The following EVC variants were observed in gnomAD, a reference collection of about 807,000 sequenced individuals.
The protein encoded by EVC is EvC ciliary complex subunit 1, also known as evC complex member EVC.
Under a neutral mutation model 118.9 loss-of-function variants are expected in EVC, and 116 were observed. The observed-to-expected ratio is 0.98, with a 90% CI of 0.84 to 1.14. The LOEUF is 1.14. Among genes scored for constraint, EVC ranks in the 50% most tolerant of loss-of-function variants. The probability of loss-of-function intolerance (pLI) is 0.00; values close to 1 mark genes in which losing one functional copy is unlikely to be tolerated. For missense variants in EVC, 1,401 were observed against 1,246.4 expected (o/e 1.12, Z -1.87); for synonymous variants, 619 against 534.7 (o/e 1.16, Z -2.18).
intron 7 of EVC, among the ~76,000 whole-genome samples, chr4:5,745,856 G>T (rs1467887769): frequency 1.3e-5 from 2 of 152,188 alleles, no homozygotes; most frequent in Admixed American, 6.5e-5. Context: ...TTTAGACATG[G>T]CCCTGCCTGA....
chr4:5,797,764 A>G (rs560965742), intron 14 of EVC, among the ~76,000 whole-genome samples: 117 of 152,358 alleles, frequency 7.7e-4, no homozygotes, highest in African/African-American at 2.7e-3. Context: ...CCACCCATGT[A>G]CCAAAAGTTT....
downstream of EVC, among the ~76,000 whole-genome samples, chr4:5,817,290 A>T (rs916012314): frequency 3.3e-5 from 5 of 152,066 alleles, no homozygotes; most frequent in Non-Finnish European, 7.4e-5. Context: ...GCAAGCTGGG[A>T]CCCCAAGCTA....
chr4:5,725,157 T>A (rs1157881038), intron 2 of EVC, among the ~76,000 whole-genome samples: 2 of 152,214 alleles, frequency 1.3e-5, no homozygotes, highest in African/African-American at 4.8e-5. Flanking sequence ...TCCATGTCTT[T>A]GCTATTGTGA....
At chr4:5,760,896 G>C (rs35016414) in intron 11 of EVC, among the ~76,000 whole-genome samples, 16,977 of 152,260 alleles carry the variant, frequency 0.11, 1,323 homozygotes, top group Admixed American at 0.16. Flanking sequence ...TTAGTCTGGA[G>C]GGATTTCCTT....
rs1728635512 is a variant in EVC, at chr4:5,741,829, T to C, written c.801+15T>C. 1.5e-6 allele frequency: 2 copies of C among 1,355,690 alleles called. No homozygotes were observed. Among genetic ancestry groups the C allele is most frequent in the Non-Finnish European group, 2.1e-6 (2 of 949,332 alleles). 84.0% of individuals were successfully genotyped at this position (1,355,690 alleles called of 1,614,324 possible). On this transcript the variant is annotated intron_variant, in intron 6 of 20. Coordinates refer to ENST00000264956, the MANE Select transcript of EVC (RefSeq NM_153717.3). ...AACAAGAAAAAGTAAGTCTTCAACC[T>C]ATGTTTCAAGGTAACTTAAAAATAG... is the stretch of plus-strand genomic sequence containing the variant.
intron 13 of EVC, among the ~76,000 whole-genome samples, chr4:5,794,323 AT>A (rs1233388059): frequency 2.4e-5 from 3 of 125,824 alleles, no homozygotes; most frequent in East Asian, 2.3e-4. Context: ...ATTTATATAT[AT>A]TTATATATAT....
chr4:5,726,476 A>G (rs1031298807), intron 2 of EVC, among the ~76,000 whole-genome samples: 6 of 151,926 alleles, frequency 3.9e-5, no homozygotes, highest in Admixed American at 3.3e-4. Flanking sequence ...CTTCTTATTA[A>G]TGAGTCAGGG....
At position 5,797,208 on chromosome 4, in the gene EVC, T is replaced by C; in HGVS notation, c.2073T>C (p.His691=). ...EQGSSQCLDE[H]QWQLLRALEA... is the part of the protein sequence containing the mutation. Reference sequence around the variant, plus strand: ...GGTCCTCCCAGTGCCTGGACGAGCATCAGTGGCAGCTGCTCAGGGCCCTGG... The same window carrying C: ...GGTCCTCCCAGTGCCTGGACGAGCACCAGTGGCAGCTGCTCAGGGCCCTGG... Residue 691 remains histidine (H), a synonymous_variant, in exon 14 of 21, where the codon CAT becomes CAC. Coordinates refer to ENST00000264956, the MANE Select transcript of EVC (RefSeq NM_153717.3). 6.2e-7 allele frequency: 1 copy of C among 1,611,636 alleles called. No homozygotes were observed.
rs544431382 is a variant in EVC at position 5,758,255 on chromosome 4, G to T, written c.1563+1893G>T. 118 of 624,660 alleles carry T rather than the reference G, an allele frequency of 1.9e-4. No individual in the cohort carries two copies. The East Asian group carries it at 3.1e-3, about 16-fold the overall frequency. 38.7% of individuals were successfully genotyped at this position (624,660 alleles called of 1,614,324 possible). ...GGGGCGAGGCTCTGCCAACACCTTG[G>T]TTTCATACTAATGCCCTCCGGAACG... On this transcript the variant is annotated intron_variant, in intron 11 of 20. Transcript: ENST00000264956.
rs576897708 is a variant in EVC at position 5,765,442 on chromosome 4, A to C, written c.1563+9080A>C. On this transcript the variant is annotated intron_variant, in intron 11 of 20. Coordinates refer to ENST00000264956, the MANE Select transcript of EVC (RefSeq NM_153717.3). ...GTCTGCTTGGTGCAGAGCTGAGTTC[A>C]ATTCCTGGGTATCCTTGTTAACTTT... Among the ~76,000 whole-genome samples the C allele has an allele frequency of 3.4e-4, 39 of 113,542 alleles. 7 individuals are homozygous for C. The highest frequency in any genetic ancestry group is 1.1e-3 in the Admixed American group (14 of 12,550). 74.5% of individuals were successfully genotyped at this position (113,542 alleles called of 152,430 possible). A position where few individuals can be genotyped will look rare whatever the true frequency, so the allele number is the denominator to read the frequency against.
Position 5,746,638 on chromosome 4 carries a change from C to T in EVC, c.939+1297C>T, listed in dbSNP as rs1159641306. Among the ~76,000 whole-genome samples, 2 of 152,150 alleles carry T rather than the reference C, an allele frequency of 1.3e-5. No homozygotes were observed. Among genetic ancestry groups the T allele is most frequent in the African/African-American group, 4.8e-5 (2 of 41,442 alleles). On this transcript the variant is annotated intron_variant, in intron 7 of 20. Coordinates refer to ENST00000264956, the MANE Select transcript of EVC (RefSeq NM_153717.3). This position sits in a 1 kb window ranked among gnomAD's most constrained non-coding sequence, Gnocchi z 5.8. ...GCCTGGATTCCGGTGGTCCACAGAA[C>T]CCCCAACGCTGTGTGCAGTATCTTG...
At chr4:5,720,729 C>T (rs1724808381) in intron 2 of EVC, among the ~76,000 whole-genome samples, 1 of 152,204 alleles carries the variant, frequency 6.6e-6, no homozygotes, top group African/African-American at 2.4e-5. Flanking sequence ...GGGGAAGCCT[C>T]TGCTGCTATC....
At chr4:5,768,320 A>G (rs1404136911) in intron 11 of EVC, among the ~76,000 whole-genome samples, 2 of 152,148 alleles carry the variant, frequency 1.3e-5, no homozygotes, top group African/African-American at 4.8e-5. Context: ...AGGAAAACAG[A>G]CTGTAGGGGC....
chr4:5,814,711 G>C (rs1382072558), downstream of EVC, among the ~76,000 whole-genome samples: 2 of 151,612 alleles, frequency 1.3e-5, no homozygotes, highest in African/African-American at 4.9e-5. Flanking sequence ...CCACACCCCT[G>C]CCCCCCACTG....
At chr4:5,828,350 A>G in the EVC span, 1 of 1,434,186 alleles carries the variant, frequency 7.0e-7, no homozygotes, top group Non-Finnish European at 9.1e-7. Flanking sequence ...CAGCGTCTCA[A>G]CCCATTTAAC....
At chr4:5,769,214 A>T (rs58912708) in intron 11 of EVC, among the ~76,000 whole-genome samples, 2 of 152,002 alleles carry the variant, frequency 1.3e-5, no homozygotes, top group Non-Finnish European at 2.9e-5. Context: ...TCACATCTTA[A>T]ATGGCAGCAG....
At chr4:5,768,596 C>T (rs1310813065) in intron 11 of EVC, among the ~76,000 whole-genome samples, 1 of 152,066 alleles carries the variant, frequency 6.6e-6, no homozygotes, top group African/African-American at 2.4e-5. Context: ...GTGGCTCACA[C>T]CTGTGATCCC....
At chr4:5,783,301 C>CATGT (rs1188471568) in intron 11 of EVC, among the ~76,000 whole-genome samples, 2 of 151,786 alleles carry the variant, frequency 1.3e-5, no homozygotes, top group Non-Finnish European at 2.9e-5. Flanking sequence ...AGTACATGTG[C>CATGT]ATGTGTCTGT....
rs1393506375 is a variant in EVC, at chr4:5,738,038, C to G, written c.703-3678C>G. On this transcript the variant is annotated intron_variant, in intron 5 of 20. Transcript: ENST00000264956. This position sits in a 1 kb window ranked among gnomAD's most constrained non-coding sequence, Gnocchi z 6.5. ...ATATTCATGATTCATAGGAGGAGGT[C>G]AAAATATCAACATTAACAAGAGTTT... Among the ~76,000 whole-genome samples, 1 of 152,102 alleles carries G rather than the reference C, an allele frequency of 6.6e-6. No individual in the cohort carries two copies. The highest frequency in any genetic ancestry group is 2.4e-5 in the African/African-American group (1 of 41,422).
Sources: allele counts gnomAD v4.1 joint callset (sites outside exome capture counted in the v4.1 genomes callset), GRCh38; gene constraint gnomAD v4.1.1; non-coding constraint Gnocchi (gnomAD v3.1); transcripts MANE v1.5; gene names NCBI Gene and HGNC (gene_info 2026-07-23, HGNC 2026-07-21).